The following RLF variants were observed in gnomAD, a reference collection of about 807,000 sequenced individuals.
RLF encodes RLF zinc finger.
In RLF, 7 loss-of-function variants were observed where a neutral mutation model predicts 162.9. That is an observed-to-expected ratio of 0.04 (90% confidence interval 0.02 to 0.08). The LOEUF (loss-of-function observed/expected upper bound fraction) is 0.08, where lower values mean the gene tolerates loss of function less well. Among genes scored for constraint, RLF ranks in the 10% least tolerant of loss-of-function variants. RLF has a pLI of 1.00. For missense variants in RLF, 1,664 were observed against 2,244.7 expected, an observed-to-expected ratio of 0.74 and a Z score of 5.23; for synonymous variants, 782 against 791.5, an observed-to-expected ratio of 0.99 and a Z score of 0.20.
At chr1:40,191,023 G>C (rs934236661) in intron 3 of RLF, among the ~76,000 whole-genome samples, 170 bp downstream of exon 3, 2 of 152,088 alleles carry the variant, frequency 1.3e-5, no homozygotes, top group African/African-American at 4.8e-5. Context: ...TTAAAAATGG[G>C]TTTTTTAAAT....
rs1377429339 is a variant in RLF, at chr1:40,236,787, A to T, written c.2085A>T (p.Glu695Asp). The T allele has an allele frequency of 6.2e-7, 1 of 1,614,174 alleles. No individual in the cohort carries two copies. The highest frequency in any genetic ancestry group is 1.7e-5 in the Admixed American group (1 of 60,022). Residue 695 changes from glutamate to aspartate, a missense_variant, in exon 8 of 8, where the codon GAA (glutamate) becomes GAT (aspartate). By Grantham distance (45) the Glu-to-Asp change is conservative (BLOSUM62 2). Transcript: ENST00000372771. The surrounding 1 kb of genome is among the most constrained non-coding windows in gnomAD (Gnocchi z 7.7). ...ACTTAAGTGTGCATCTTAAAGCTGA[A>T]CACCAAAATAATGATGAAAATGCCA... ...FKYLSVHLKA[E>D]HQNNDENAKH...
chr1:40,169,745 T>C lies in RLF; in HGVS notation c.237+8109T>C, dbSNP rs1401826538. Reference sequence around the variant, plus strand: ...TTCGCTTTTGTTGCCCAGGCTGGAGTGCAGTGACGTGATCTCGGCTCACTG... The same window carrying C: ...TTCGCTTTTGTTGCCCAGGCTGGAGCGCAGTGACGTGATCTCGGCTCACTG... On this transcript the variant is annotated intron_variant, in intron 1 of 7. Coordinates refer to ENST00000372771, the MANE Select transcript of RLF (RefSeq NM_012421.4). Among the ~76,000 whole-genome samples the C allele has an allele frequency of 2.1e-5, 3 of 145,628 alleles. No individual in the cohort carries two copies. The South Asian group carries it at 6.5e-4, about 32-fold the overall frequency.
At chr1:40,190,894 A>G (rs1157224091) in intron 3 of RLF, 41 bp downstream of exon 3, 2 of 1,262,226 alleles carry the variant, frequency 1.6e-6, no homozygotes, top group Non-Finnish European at 2.3e-6. Context: ...TGTATCCAAG[A>G]CACCTAATTA....
At chr1:40,190,709 C>A in intron 2 of RLF, 63 bp from the exon 3 acceptor site, 2 of 1,013,898 alleles carry the variant, frequency 2.0e-6, no homozygotes, top group South Asian at 1.4e-5. Flanking sequence ...TTTAGTATTG[C>A]TGTCATACTC....
chr1:40,171,620 G>T (rs533315921), intron 1 of RLF, among the ~76,000 whole-genome samples: 1 of 152,194 alleles, frequency 6.6e-6, no homozygotes, highest in African/African-American at 2.4e-5. Context: ...ACTAGTGGAT[G>T]CTCATTCTAG....
Position 40,239,690 on chromosome 1 carries a change from C to T in RLF, c.4988C>T (p.Ala1663Val). ...GCIESSSVFDADTLLYRGTLK... is the reference protein window; with the variant it reads ...GCIESSSVFDVDTLLYRGTLK... ...ATAGAAAGCAGCTCAGTATTTGATG[C>T]AGATACTCTGCTCTACAGGGGAACT... The change falls in exon 8 of 8, where the codon GCA becomes GTA. Residue 1663 changes from alanine to valine, a missense_variant. Ala to Val is a moderately conservative substitution (Grantham distance 64, BLOSUM62 0). Transcript: ENST00000372771. The T allele has an allele frequency of 6.2e-7, 1 of 1,614,180 alleles. No homozygotes were observed. The highest frequency in any genetic ancestry group is 8.5e-7 in the Non-Finnish European group (1 of 1,180,030).
intron 1 of RLF, among the ~76,000 whole-genome samples, chr1:40,187,831 A>G (rs1044465052): frequency 2.6e-5 from 4 of 152,208 alleles, no homozygotes; most frequent in African/African-American, 7.2e-5. Context: ...ATCCTGCGCT[A>G]CTATTGTAGT....
At chr1:40,211,706 C>T (rs1642867283) in intron 5 of RLF, among the ~76,000 whole-genome samples, 3 of 152,100 alleles carry the variant, frequency 2.0e-5, no homozygotes, top group African/African-American at 7.2e-5. Context: ...ACTGCAACCT[C>T]TGCCTCTCGG....
At chr1:40,215,432 AT>A (rs1642913632) in intron 5 of RLF, among the ~76,000 whole-genome samples, 1 of 152,232 alleles carries the variant, frequency 6.6e-6, no homozygotes, top group Admixed American at 6.5e-5. Context: ...TACATAAAGT[AT>A]GTTCTCTAAC....
intron 4 of RLF, among the ~76,000 whole-genome samples, chr1:40,201,396 C>T (rs1368864764): frequency 2.0e-5 from 3 of 151,618 alleles, no homozygotes; most frequent in East Asian, 1.9e-4. Flanking sequence ...GAGGCCAAGG[C>T]GGGTGGATCA....
intron 1 of RLF, among the ~76,000 whole-genome samples, chr1:40,176,297 G>A (rs1570518122): frequency 6.6e-6 from 1 of 152,210 alleles, no homozygotes; most frequent in Non-Finnish European, 1.5e-5. Flanking sequence ...AGGTTTTCCA[G>A]AGTAGTTGTA....
At chr1:40,225,978 G>C (rs1387059709) in intron 6 of RLF, among the ~76,000 whole-genome samples, 1 of 151,580 alleles carries the variant, frequency 6.6e-6, no homozygotes, top group Non-Finnish European at 1.5e-5. Context: ...CTTGAGCCTG[G>C]GAGTGGAGGT....
intron 2 of RLF, among the ~76,000 whole-genome samples, chr1:40,189,614 G>A (rs1642529857): frequency 6.6e-6 from 1 of 152,170 alleles, no homozygotes; most frequent in Non-Finnish European, 1.5e-5. Flanking sequence ...TCAGGGTACA[G>A]TATAAGATTA....
At chr1:40,203,834 C>T (rs370686794) in intron 5 of RLF, among the ~76,000 whole-genome samples, 2 of 151,984 alleles carry the variant, frequency 1.3e-5, no homozygotes, top group Admixed American at 6.6e-5. Flanking sequence ...CTTGTAATAT[C>T]TTACTCTCCA....
chr1:40,236,031 A>T lies in RLF; in HGVS notation c.1329A>T (p.Glu443Asp). 1.2e-6 allele frequency: 2 copies of T among 1,613,576 alleles called. No homozygotes were observed. Among genetic ancestry groups the T allele is most frequent in the Non-Finnish European group, 1.7e-6 (2 of 1,179,884 alleles). Residue 443 changes from glutamate (E) to aspartate (D), a missense_variant, in exon 8 of 8, where the codon GAA (glutamate) becomes GAT (aspartate). Around this residue, in one of 15 missense-constraint regions of RLF, gnomAD observed 287 missense variants for 404.9 expected, o/e 0.71. Transcript: ENST00000372771. The surrounding 1 kb of genome is among the most constrained non-coding windows in gnomAD (Gnocchi z 7.7). ...AACCAGATCAAAAATTTGATGAAGA[A>T]AATGCACCGGTTCCAAATTCTCTTC... ...YLQPDQKFDE[E>D]NAPVPNSLRC...
intron 1 of RLF, among the ~76,000 whole-genome samples, chr1:40,175,185 C>CTGT (rs1642302558): frequency 8.9e-6 from 1 of 111,810 alleles, no homozygotes; most frequent in Non-Finnish European, 1.6e-5. Flanking sequence ...AACCAAGACT[C>CTGT]TGTTCTGTTA....
rs1643274297 is a variant in RLF at position 40,240,113 on chromosome 1, C to T, written c.5411C>T (p.Ser1804Phe). The part of the protein sequence containing the change: ...EHLTLSNSSQ[S>F]SNDLTGNVVA... ...TTAACATTAAGTAATTCTTCACAGT[C>T]CAGTAATGATTTAACAGGGAATGTT... The change falls in exon 8 of 8, where the codon TCC becomes TTC. Residue 1804 changes from serine (S) to phenylalanine (F), a missense_variant. By Grantham distance (155) the Ser-to-Phe change is radical (BLOSUM62 -2). Coordinates refer to ENST00000372771, the MANE Select transcript of RLF (RefSeq NM_012421.4). 1 of 1,613,948 alleles carries T rather than the reference C, an allele frequency of 6.2e-7. No individual in the cohort carries two copies. The highest frequency in any genetic ancestry group is 1.3e-5 in the African/African-American group (1 of 74,924).
At chr1:40,168,657 A>G (rs537275595) in intron 1 of RLF, among the ~76,000 whole-genome samples, 1 of 152,262 alleles carries the variant, frequency 6.6e-6, no homozygotes, top group East Asian at 1.9e-4. Flanking sequence ...TTTTTATTAC[A>G]TAGTAAAATG....
chr1:40,232,946 T>C (rs539330196), intron 7 of RLF, among the ~76,000 whole-genome samples: 2 of 152,134 alleles, frequency 1.3e-5, no homozygotes, highest in African/African-American at 2.4e-5. Flanking sequence ...ACTCCTGGCC[T>C]CAAGCAATTC....
Sources: allele counts gnomAD v4.1 joint callset (sites outside exome capture counted in the v4.1 genomes callset), GRCh38; gene constraint gnomAD v4.1.1; regional missense constraint gnomAD v4.1.1; non-coding constraint Gnocchi (gnomAD v3.1); transcripts MANE v1.5; gene names NCBI Gene and HGNC (gene_info 2026-07-23, HGNC 2026-07-21).